Variants in NFATC2 observed in about 807,000 individuals in gnomAD.
NFATC2 encodes the protein nuclear factor of activated T-cells, cytoplasmic 2.
NFATC2 carries 22 observed loss-of-function variants against 87.3 expected under a neutral mutation model. That is an observed-to-expected ratio of 0.25 (90% CI 0.18 to 0.36). NFATC2 has a LOEUF of 0.36. Ranked by LOEUF, NFATC2 falls within the 10% of genes least tolerant of loss-of-function variation. The probability of loss-of-function intolerance (pLI) is 1.00; values close to 1 mark genes in which losing one functional copy is unlikely to be tolerated. For missense variants in NFATC2, 1,149 were observed against 1,259.1 expected, an observed-to-expected ratio of 0.91 and a Z score of 1.32; for synonymous variants, 565 against 542.2, an observed-to-expected ratio of 1.04 and a Z score of -0.58.
chr20:51,420,425 G>A (rs1402929548), intron 9 of NFATC2, among the ~76,000 whole-genome samples: 2 of 152,110 alleles, frequency 1.3e-5, no homozygotes, highest in Non-Finnish European at 2.9e-5. Context: ...TAACTTACAG[G>A]ACATACAGAG....
At chr20:51,518,705 A>G (rs777649253) in intron 2 of NFATC2, among the ~76,000 whole-genome samples, 6 of 152,254 alleles carry the variant, frequency 3.9e-5, no homozygotes, top group Non-Finnish European at 8.8e-5. Context: ...AATGAAATAG[A>G]GTTGACTTTA....
At chr20:51,496,866 C>T in intron 3 of NFATC2, among the ~76,000 whole-genome samples, 1 of 152,208 alleles carries the variant, frequency 6.6e-6, no homozygotes, top group East Asian at 1.9e-4. Flanking sequence ...GAATTGATCT[C>T]ATTTCTCCCT....
chr20:51,435,692 C>A lies in NFATC2; in HGVS notation c.1905+14G>T. 1 of 1,606,714 alleles carries A rather than the reference C, an allele frequency of 6.2e-7. No homozygotes were observed. The highest frequency in any genetic ancestry group is 1.1e-5 in the South Asian group (1 of 89,246). On this transcript the variant is annotated intron_variant, in intron 7 of 10. Coordinates refer to ENST00000371564, the MANE Select transcript of NFATC2 (RefSeq NM_012340.5). ...AGGGGGATTGAGAGACACTCAGGTG[C>A]GTCACGTGCTTACGGGCTGGCTCTT...
intron 2 of NFATC2, among the ~76,000 whole-genome samples, chr20:51,522,445 C>G (rs1341194468): frequency 1.3e-5 from 2 of 152,194 alleles, no homozygotes; most frequent in African/African-American, 2.4e-5. Flanking sequence ...CGTGTTCACT[C>G]AGGTAGTGAG....
intron 6 of NFATC2, among the ~76,000 whole-genome samples, chr20:51,447,068 G>C (rs529346485): frequency 4.2e-4 from 55 of 130,918 alleles, no homozygotes; most frequent in African/African-American, 1.7e-3. Flanking sequence ...ACAAATTCAC[G>C]GAAAAATACT....
At chr20:51,543,918 A>G (rs1281375275), upstream of NFATC2, among the ~76,000 whole-genome samples, 2 of 144,790 alleles carry the variant, frequency 1.4e-5, no homozygotes, top group Non-Finnish European at 3.0e-5. Flanking sequence ...CACCTGGGAC[A>G]CCTTTTTAAA....
chr20:51,424,726 TG>T, intron 9 of NFATC2, among the ~76,000 whole-genome samples: 1 of 152,142 alleles, frequency 6.6e-6, no homozygotes, highest in South Asian at 2.1e-4. Context: ...GTCAGCACTG[TG>T]GGTAACAGCA....
intron 3 of NFATC2, among the ~76,000 whole-genome samples, chr20:51,501,579 A>G (rs2076089942): frequency 6.6e-6 from 1 of 152,176 alleles, no homozygotes; most frequent in Admixed American, 6.5e-5. Flanking sequence ...CACTGCACTC[A>G]AAATTCCATT....
In NFATC2 at chr20:51,391,499, G is replaced by A. The variant is rs751499398; in HGVS notation, c.*45-48C>T. Reference sequence around the variant, plus strand: ...GGGGGAGAGAGAATGGGGCAAGTGAGAGGGCACCGAAAACATGCATCAGGT... The same window carrying A: ...GGGGGAGAGAGAATGGGGCAAGTGAAAGGGCACCGAAAACATGCATCAGGT... On this transcript the variant is annotated intron_variant, in intron 10 of 10. Transcript: ENST00000371564. 3 of 1,580,110 alleles carry A rather than the reference G, an allele frequency of 1.9e-6. No individual in the cohort carries two copies. In the South Asian group the frequency reaches 3.3e-5, roughly 18 times the overall value.
chr20:51,541,680 T>C (rs1242963974), intron 1 of NFATC2, among the ~76,000 whole-genome samples: 1 of 152,194 alleles, frequency 6.6e-6, no homozygotes, highest in Non-Finnish European at 1.5e-5. Context: ...GATCACTTAA[T>C]ATAGCTCAGA....
At chr20:51,548,484 G>A (rs573799305) in intron 1 of NFATC2, among the ~76,000 whole-genome samples, 2 of 152,160 alleles carry the variant, frequency 1.3e-5, no homozygotes, top group Non-Finnish European at 2.9e-5. Flanking sequence ...GATATCTAGG[G>A]TTGCCAAGTT....
chr20:51,404,223 C>G (rs1237744547), intron 9 of NFATC2, among the ~76,000 whole-genome samples: 2 of 152,208 alleles, frequency 1.3e-5, no homozygotes, highest in African/African-American at 4.8e-5. Context: ...GGCTCACACC[C>G]TGGGGTCAGA....
intron 6 of NFATC2, among the ~76,000 whole-genome samples, chr20:51,445,459 A>G (rs755174564): frequency 1.1e-4 from 16 of 152,210 alleles, no homozygotes; most frequent in Non-Finnish European, 2.1e-4. Flanking sequence ...CAATAAAAAT[A>G]CAGGATGTTC....
chr20:51,545,179 A>T (rs1377171103), upstream of NFATC2, among the ~76,000 whole-genome samples: 1 of 152,198 alleles, frequency 6.6e-6, no homozygotes, highest in Non-Finnish European at 1.5e-5. Flanking sequence ...GATTTAGAAA[A>T]GGAGAAAAGC....
rs979086799 is a variant in NFATC2, at chr20:51,561,434, A to G, written c.70+1126T>C. On this transcript the variant is annotated intron_variant, in intron 1 of 10. Transcript: ENST00000414705. Reference sequence around the variant, plus strand: ...AAAGAAAGAAAGAGAGAGAAAGAAAAGAAAGAAAGAAAGAAAGAAAGAAAG... The same window carrying G: ...AAAGAAAGAAAGAGAGAGAAAGAAAGGAAAGAAAGAAAGAAAGAAAGAAAG... Among the ~76,000 whole-genome samples, 15 of 63,588 alleles carry G rather than the reference A, an allele frequency of 2.4e-4. No homozygotes were observed. The Middle Eastern group carries it at 0.033, about 139-fold the overall frequency. The allele number at this position is 63,588 out of a possible 152,430, so 41.7% of individuals were successfully genotyped here.
intron 1 of NFATC2, among the ~76,000 whole-genome samples, chr20:51,541,597 CCTT>C (rs1375462127): frequency 1.3e-5 from 2 of 152,154 alleles, no homozygotes; most frequent in African/African-American, 4.8e-5. Flanking sequence ...GAGCCTGTGT[CCTT>C]CTGAATCCAT....
chr20:51,476,635 A>G (rs754988346), intron 3 of NFATC2, among the ~76,000 whole-genome samples: 54 of 152,160 alleles, frequency 3.5e-4, no homozygotes, highest in Admixed American at 2.0e-4. Flanking sequence ...GAGAGCAGAG[A>G]TGTTTGTCTA....
chr20:51,528,129 AC>A (rs2076575463), intron 1 of NFATC2, among the ~76,000 whole-genome samples: 1 of 151,454 alleles, frequency 6.6e-6, no homozygotes, highest in Non-Finnish European at 1.5e-5. Flanking sequence ...ATATACTCTC[AC>A]CTGTGCAAAA....
At chr20:51,398,880 T>C (rs1987654617) in intron 9 of NFATC2, 150 bp from the exon 10 acceptor site, 2 of 622,314 alleles carry the variant, frequency 3.2e-6, no homozygotes, top group Non-Finnish European at 5.7e-6. Flanking sequence ...TGCAACATCT[T>C]AGCATTTGTG....
Sources: gnomAD v4.1 joint callset for allele counts (sites outside exome capture counted in the v4.1 genomes callset) on GRCh38, gnomAD v4.1.1 for gene constraint, MANE v1.5 for transcripts, NCBI Gene and HGNC (gene_info 2026-07-23, HGNC 2026-07-21) for gene names.